The following TRMT1L variants were observed in gnomAD, a reference collection of about 807,000 sequenced individuals.
TRMT1L encodes tRNA (guanine(27)-N(2))-dimethyltransferase.
TRMT1L carries 28 observed loss-of-function variants against 81.6 expected under a neutral mutation model. The ratio of observed to expected loss-of-function variants is 0.34; its 90% CI spans 0.25 to 0.47. The LOEUF is 0.47. Ranked by LOEUF, TRMT1L falls within the 20% of genes least tolerant of loss-of-function variation. The pLI is 1.00. For synonymous variants in TRMT1L, 301 were observed against 303.2 expected, an observed-to-expected ratio of 0.99 and a Z score of 0.07; for missense variants, 739 against 877.1, an observed-to-expected ratio of 0.84 and a Z score of 1.99.
chr1:185,156,613 C>G lies in TRMT1L; in HGVS notation c.100G>C (p.Val34Leu). The change falls in exon 1 of 15, where the codon GTC becomes CTC. Residue 34 changes from valine to leucine, a missense_variant. Coordinates refer to ENST00000367506, the MANE Select transcript of TRMT1L (RefSeq NM_030934.5). ...VPTPARDSAG[V>L]PAPAPDSALD... ...GCCGAATCCGGGGCCGGAGCTGGGACCCCAGCCGAGTCCCGGGCCGGGGTC... is the reference window on the plus strand; with the variant it reads ...GCCGAATCCGGGGCCGGAGCTGGGAGCCCAGCCGAGTCCCGGGCCGGGGTC... 6.2e-7 allele frequency: 1 copy of G among 1,601,880 alleles called. No individual in the cohort carries two copies. The highest frequency in any genetic ancestry group is 2.2e-5 in the East Asian group (1 of 44,466).
rs370063912 is a variant in TRMT1L at position 185,129,958 on chromosome 1, T to A, written c.1514-1211A>T. On this transcript the variant is annotated intron_variant, in intron 10 of 14. Coordinates refer to ENST00000367506, the MANE Select transcript of TRMT1L (RefSeq NM_030934.5). ...TAAGCAGTCATCATCCAATTCAGGATGGCAATTTATAGTATAGTTCTGTCA... is the reference window on the plus strand; with the variant it reads ...TAAGCAGTCATCATCCAATTCAGGAAGGCAATTTATAGTATAGTTCTGTCA... Among the ~76,000 whole-genome samples, 11 of 152,342 alleles carry A rather than the reference T, an allele frequency of 7.2e-5. No individual in the cohort carries two copies. The East Asian group carries it at 1.9e-3, about 27-fold the overall frequency.
chr1:185,121,215 T>C (rs1471758992), intron 13 of TRMT1L, among the ~76,000 whole-genome samples: 1 of 152,216 alleles, frequency 6.6e-6, no homozygotes, highest in Non-Finnish European at 1.5e-5. Flanking sequence ...TTTTGCCTGG[T>C]GTTCAACCCT....
chr1:185,124,594 C>A (rs2102229371), intron 12 of TRMT1L, among the ~76,000 whole-genome samples: 1 of 151,654 alleles, frequency 6.6e-6, no homozygotes, highest in Admixed American at 6.6e-5. Context: ...GAGGTTGAGG[C>A]TGAGGCAAGA....
chr1:185,140,621 T>C (rs982945943), intron 7 of TRMT1L, among the ~76,000 whole-genome samples: 1 of 151,836 alleles, frequency 6.6e-6, no homozygotes, highest in African/African-American at 2.4e-5. Flanking sequence ...GACCAAAATA[T>C]GAAAAACTTT....
At position 185,156,654 on chromosome 1, in the gene TRMT1L, GCCACCT is replaced by G; in HGVS notation, c.53_58del (p.Glu18_Val19del). The G allele has an allele frequency of 6.2e-7, 1 of 1,610,710 alleles. No homozygotes were observed. Among genetic ancestry groups the G allele is most frequent in the Non-Finnish European group, 8.5e-7 (1 of 1,178,778 alleles). ...GGCCGGGGTCGGGACCTGGACCTGG[GCCACCT>G]CCACCTCCTCCTTCTCCAGGGGCAG... On this transcript the variant is annotated inframe_deletion, in exon 1 of 15. Transcript: ENST00000367506.
At chr1:185,137,448 G>A (rs1652927764) in intron 10 of TRMT1L, 158 bp downstream of exon 10, 2 of 766,258 alleles carry the variant, frequency 2.6e-6, no homozygotes, top group African/African-American at 3.4e-5. Context: ...TCACACGAAT[G>A]TCTTGTCTGT....
chr1:185,150,488 G>A lies in TRMT1L; in HGVS notation c.351C>T (p.Asn117=), dbSNP rs200467304. 1.8e-5 allele frequency: 29 copies of A among 1,608,804 alleles called. No homozygotes were observed. Among genetic ancestry groups the A allele is most frequent in the African/African-American group, 5.3e-5 (4 of 74,792 alleles). Residue 117 remains asparagine (N), a synonymous_variant, in exon 3 of 15, where the codon AAC becomes AAT. Coordinates refer to ENST00000367506, the MANE Select transcript of TRMT1L (RefSeq NM_030934.5). ...SLNSDNLDAG[N]RQACPLCPKE... is the part of the protein sequence containing the mutation. ...TAGGGCACAATGGACAAGCCTGTCT[G>A]TTGCCTTAAAAAGAAAAAAGAATCA...
chr1:185,145,426 T>C lies in TRMT1L; in HGVS notation c.655+13A>G, dbSNP rs752509463. 1 of 1,605,036 alleles carries C rather than the reference T, an allele frequency of 6.2e-7. No individual in the cohort carries two copies. Among genetic ancestry groups the C allele is most frequent in the Non-Finnish European group, 8.5e-7 (1 of 1,173,804 alleles). On this transcript the variant is annotated intron_variant, in intron 5 of 14. Transcript: ENST00000367506. ...TTTACATATTAATATGTTAATGAGA[T>C]TGCTCAACTTACCTGCAATATAACT...
intron 3 of TRMT1L, among the ~76,000 whole-genome samples, chr1:185,149,964 A>AG (rs1449432799): frequency 1.3e-5 from 2 of 152,072 alleles, no homozygotes; most frequent in African/African-American, 4.8e-5. Context: ...TCTTAACTCC[A>AG]GTAGTTTTTT....
intron 11 of TRMT1L, among the ~76,000 whole-genome samples, chr1:185,127,978 G>A (rs1236337439): frequency 6.6e-6 from 1 of 151,540 alleles, no homozygotes; most frequent in Non-Finnish European, 1.5e-5. Flanking sequence ...GCCAGGTGTT[G>A]TGGCGGGTGC....
chr1:185,124,041 C>G, intron 12 of TRMT1L, 122 bp from the exon 13 acceptor site: 1 of 572,148 alleles, frequency 1.7e-6, no homozygotes, highest in South Asian at 2.6e-5. Context: ...GCAAGAGATT[C>G]TGTGGCCAAA....
At position 185,137,585 on chromosome 1, in the gene TRMT1L, TAATATATA is replaced by T. The variant is rs1652931689; in HGVS notation, c.1513+13_1513+20del. On this transcript the variant is annotated intron_variant, in intron 10 of 14. Coordinates refer to ENST00000367506, the MANE Select transcript of TRMT1L (RefSeq NM_030934.5). ...TTCAGTGGAGGATTATAGATAAACA[TAATATATA>T]ACTTGAATTTACCTTCTACCATATT... 1 of 1,604,402 alleles carries T rather than the reference TAATATATA, an allele frequency of 6.2e-7. No homozygotes were observed. The highest frequency in any genetic ancestry group is 8.5e-7 in the Non-Finnish European group (1 of 1,173,176).
rs201376449 is a variant in TRMT1L, at chr1:185,139,619, A to G, written c.1110-40T>C. ...AATATAGACATTTTAAAGTCATATTAGTAACAAAAATTATACCACTGTAAT... is the reference window on the plus strand; with the variant it reads ...AATATAGACATTTTAAAGTCATATTGGTAACAAAAATTATACCACTGTAAT... On this transcript the variant is annotated intron_variant, in intron 8 of 14. Coordinates refer to ENST00000367506, the MANE Select transcript of TRMT1L (RefSeq NM_030934.5). 1.9e-5 allele frequency: 27 copies of G among 1,410,268 alleles called. No individual in the cohort carries two copies. In the African/African-American group the frequency reaches 3.5e-4, roughly 18 times the overall value. The allele number at this position is 1,410,268 out of a possible 1,614,324, so 87.4% of individuals were successfully genotyped here.
At chr1:185,151,096 T>C (rs1571358527) in intron 2 of TRMT1L, among the ~76,000 whole-genome samples, 1 of 152,220 alleles carries the variant, frequency 6.6e-6, no homozygotes, top group African/African-American at 2.4e-5. Flanking sequence ...TTATGTATCA[T>C]AAAAATGTCT....
At chr1:185,128,476 G>A (rs1290610883) in intron 11 of TRMT1L, among the ~76,000 whole-genome samples, 193 bp downstream of exon 11, 4 of 152,262 alleles carry the variant, frequency 2.6e-5, no homozygotes, top group Admixed American at 2.6e-4. Flanking sequence ...TCACAAACTA[G>A]AGAGAATAAT....
intron 13 of TRMT1L, among the ~76,000 whole-genome samples, chr1:185,123,465 G>C (rs778873110): frequency 2.6e-5 from 4 of 152,068 alleles, no homozygotes; most frequent in Non-Finnish European, 5.9e-5. Context: ...TTTGGCTGAA[G>C]AATGAGGTCT....
chr1:185,120,066 T>C lies in TRMT1L; in HGVS notation c.2155A>G (p.Met719Val), dbSNP rs1329554835. Reference protein sequence around the residue: ...SEDTVTERVEMSVNDKAEASG... With the variant: ...SEDTVTERVEVSVNDKAEASG... ...GCTTCTGCTTTGTCATTCACTGACATTTCAACTCTTTCAGTTACTGTATCT... is the reference window on the plus strand; with the variant it reads ...GCTTCTGCTTTGTCATTCACTGACACTTCAACTCTTTCAGTTACTGTATCT... The change falls in exon 15 of 15, where the codon ATG (methionine) becomes GTG (valine). Residue 719 changes from methionine (M) to valine (V), a missense_variant. This residue lies in a region of TRMT1L where 196 missense variants were observed against 232.6 expected (regional missense o/e 0.84). Transcript: ENST00000367506. The C allele has an allele frequency of 1.2e-6, 2 of 1,613,992 alleles. No individual in the cohort carries two copies. Among genetic ancestry groups the C allele is most frequent in the African/African-American group, 2.7e-5 (2 of 75,036 alleles).
chr1:185,155,425 C>T (rs568010606), intron 1 of TRMT1L, among the ~76,000 whole-genome samples: 1 of 152,316 alleles, frequency 6.6e-6, no homozygotes, highest in Non-Finnish European at 1.5e-5. Context: ...TGAGAAGGGG[C>T]TTACCTGAAG....
Position 185,137,748 on chromosome 1 carries a change from A to G in TRMT1L, c.1371T>C (p.Ala457=). The G allele has an allele frequency of 1.2e-6, 2 of 1,614,072 alleles. No homozygotes were observed. Among genetic ancestry groups the G allele is most frequent in the Non-Finnish European group, 8.5e-7 (1 of 1,180,004 alleles). Residue 457 remains alanine, a synonymous_variant, in exon 10 of 15, where the codon GCT becomes GCC. Coordinates refer to ENST00000367506, the MANE Select transcript of TRMT1L (RefSeq NM_030934.5). ...NKGIEVLFAV[A]LEHFVLVVVR... The stretch of plus-strand genomic sequence containing the variant: ...CAACTACCAACACAAAATGTTCCAG[A>G]GCCACTGCAAACAGTACTTCTATGC...
Sources: gnomAD v4.1 joint callset for allele counts (sites outside exome capture counted in the v4.1 genomes callset) on GRCh38, gnomAD v4.1.1 for gene constraint, gnomAD v4.1.1 regional missense constraint, MANE v1.5 for transcripts, NCBI Gene and HGNC (gene_info 2026-07-23, HGNC 2026-07-21) for gene names.